The following CADM2 variants were observed in gnomAD, a reference collection of about 807,000 sequenced individuals.
The protein encoded by CADM2 is cell adhesion molecule 2, also known as immunoglobulin superfamily member 4D.
In CADM2, 12 loss-of-function variants were observed where a neutral mutation model predicts 49.8. The observed-to-expected ratio is 0.24, with a 90% CI of 0.15 to 0.39. CADM2 has a LOEUF of 0.39. Among genes scored for constraint, CADM2 ranks in the 10% least tolerant of loss-of-function variants. CADM2 has a pLI of 1.00. For synonymous variants in CADM2, 214 were observed against 175.4 expected, an observed-to-expected ratio of 1.22 and a Z score of -1.74; for missense variants, 378 against 492.3, an observed-to-expected ratio of 0.77 and a Z score of 2.20.
chr3:85,474,321 G>A (rs772912096), intron 1 of CADM2, among the ~76,000 whole-genome samples: 1 of 151,840 alleles, frequency 6.6e-6, no homozygotes, highest in African/African-American at 2.4e-5. Flanking sequence ...GTCTCTTGGC[G>A]GAAGTCCTTC....
intron 8 of CADM2, chr3:86,012,675 G>A: frequency 7.5e-7 from 1 of 1,338,382 alleles, no homozygotes; most frequent in African/African-American, 1.5e-5. Flanking sequence ...GAGAATTGTA[G>A]GAGAGCTGAC....
intron 1 of CADM2, among the ~76,000 whole-genome samples, chr3:85,070,945 C>T (rs954877861): frequency 1.3e-5 from 2 of 151,240 alleles, no homozygotes; most frequent in East Asian, 1.9e-4. Context: ...GCCGAGATCG[C>T]GCCACCGCAC....
intron 1 of CADM2, among the ~76,000 whole-genome samples, chr3:85,564,706 T>A (rs1238817111): frequency 1.3e-5 from 2 of 152,088 alleles, no homozygotes; most frequent in Non-Finnish European, 2.9e-5. Context: ...TGTTAATGAT[T>A]TTTTTAATTC....
intron 1 of CADM2, among the ~76,000 whole-genome samples, chr3:84,988,127 T>C (rs565466153): frequency 1.3e-5 from 2 of 152,302 alleles, no homozygotes; most frequent in East Asian, 3.9e-4. Context: ...CAGAGCCAGA[T>C]TGGATGCTGC....
At chr3:85,545,435 A>G (rs1559900643) in intron 1 of CADM2, among the ~76,000 whole-genome samples, 1 of 152,186 alleles carries the variant, frequency 6.6e-6, no homozygotes, top group Non-Finnish European at 1.5e-5. Flanking sequence ...AAAAACTTTA[A>G]TAGCCCAAGG....
chr3:85,102,133 A>G (rs576674869), intron 1 of CADM2, among the ~76,000 whole-genome samples: 33 of 152,316 alleles, frequency 2.2e-4, no homozygotes, highest in African/African-American at 7.7e-4. Context: ...ATAAAGCTTA[A>G]TCTGGCTCAG....
chr3:85,288,788 C>A lies in CADM2; in HGVS notation c.61+329120C>A, dbSNP rs866473895. Among the ~76,000 whole-genome samples, 416 of 128,528 alleles carry A rather than the reference C, an allele frequency of 3.2e-3. 11 individuals are homozygous for A. Among genetic ancestry groups the A allele is most frequent in the African/African-American group, 0.01 (398 of 38,010 alleles). The allele number at this position is 128,528 out of a possible 152,430, so 84.3% of individuals were successfully genotyped here. On this transcript the variant is annotated intron_variant, in intron 1 of 9. Coordinates refer to ENST00000383699, the MANE Select transcript of CADM2 (RefSeq NM_001167675.2). ...AGTATTCTGCTTTACCAATATGCCC[C>A]CCCCCCCTCTTTTTTTCCATCATGG...
At chr3:85,370,347 G>T (rs1163671695) in intron 1 of CADM2, among the ~76,000 whole-genome samples, 2 of 151,554 alleles carry the variant, frequency 1.3e-5, no homozygotes, top group African/African-American at 4.8e-5. Flanking sequence ...GCTTGACCGC[G>T]GGAGGGGGAG....
At chr3:85,269,143 A>G (rs2043180669) in intron 1 of CADM2, among the ~76,000 whole-genome samples, 1 of 151,354 alleles carries the variant, frequency 6.6e-6, no homozygotes, top group African/African-American at 2.4e-5. Flanking sequence ...ATTAACACAA[A>G]ATCTAGGGAA....
intron 1 of CADM2, among the ~76,000 whole-genome samples, chr3:85,518,871 A>G (rs1001284349): frequency 2.5e-4 from 38 of 152,260 alleles, no homozygotes; most frequent in African/African-American, 8.7e-4. Flanking sequence ...TTTTTCTTAT[A>G]AAATAACATT....
At chr3:85,872,547 C>T (rs1023695101) in intron 3 of CADM2, among the ~76,000 whole-genome samples, 4 of 151,712 alleles carry the variant, frequency 2.6e-5, no homozygotes, top group South Asian at 2.1e-4. Context: ...TCATCAGTCA[C>T]TTTCATTTGC....
At chr3:85,639,827 A>G (rs186283569) in intron 1 of CADM2, among the ~76,000 whole-genome samples, 4 of 152,150 alleles carry the variant, frequency 2.6e-5, no homozygotes, top group Admixed American at 2.6e-4. Context: ...AGTATCTTCA[A>G]ATAGGACATG....
At chr3:85,621,962 G>C (rs2063990014) in intron 1 of CADM2, among the ~76,000 whole-genome samples, 1 of 152,116 alleles carries the variant, frequency 6.6e-6, no homozygotes, top group South Asian at 2.1e-4. Context: ...TTCTCGAAGG[G>C]TTAGTTCAGT....
rs1739408180 is a variant in CADM2, at chr3:86,066,990, T to C, written c.*207T>C. 2 of 535,178 alleles carry C rather than the reference T, an allele frequency of 3.7e-6. No individual in the cohort carries two copies. The highest frequency in any genetic ancestry group is 6.7e-6 in the Non-Finnish European group (2 of 299,706). The allele number at this position is 535,178 out of a possible 1,614,324, so 33.2% of individuals were successfully genotyped here. On this transcript the variant is annotated 3_prime_UTR_variant, in exon 10 of 10. Transcript: ENST00000383699. ...ACCATCCATAATGCAGGACATTTCT[T>C]ACTGCCTAAATTTCACACCATTGCT...
At chr3:85,697,896 T>C (rs2107699628) in intron 1 of CADM2, among the ~76,000 whole-genome samples, 1 of 152,336 alleles carries the variant, frequency 6.6e-6, no homozygotes, top group Non-Finnish European at 1.5e-5. Context: ...CATGCAGCAG[T>C]CATTGAACTT....
At chr3:85,665,014 C>T (rs879926791) in intron 1 of CADM2, among the ~76,000 whole-genome samples, 2 of 151,908 alleles carry the variant, frequency 1.3e-5, no homozygotes, top group Admixed American at 1.3e-4. Context: ...TTGTTTACTG[C>T]AAAATTTTCA....
At chr3:85,732,378 A>C (rs2067971484) in intron 2 of CADM2, among the ~76,000 whole-genome samples, 1 of 152,188 alleles carries the variant, frequency 6.6e-6, no homozygotes, top group South Asian at 2.1e-4. Flanking sequence ...TCTACACAAG[A>C]CTGATCTAAG....
At chr3:85,601,124 A>ATGTGTGTGTGTGTG (rs10663541) in intron 1 of CADM2, among the ~76,000 whole-genome samples, 3 of 61,648 alleles carry the variant, frequency 4.9e-5, no homozygotes, top group African/African-American at 1.1e-4. Flanking sequence ...GCATTTATAT[A>ATGTGTGTGTGTGTG]TGTGTGTATA....
intron 1 of CADM2, among the ~76,000 whole-genome samples, chr3:85,420,150 A>G (rs929911942): frequency 1.3e-5 from 2 of 152,176 alleles, no homozygotes; most frequent in Non-Finnish European, 2.9e-5. Flanking sequence ...GAATCTTTTT[A>G]GAAGAAAGCA....
Sources: gnomAD v4.1 joint callset for allele counts (sites outside exome capture counted in the v4.1 genomes callset) on GRCh38, gnomAD v4.1.1 for gene constraint, MANE v1.5 for transcripts, NCBI Gene and HGNC (gene_info 2026-07-23, HGNC 2026-07-21) for gene names.